Variants in IFI30 observed in about 807,000 individuals in gnomAD.
The protein encoded by IFI30 is gamma-interferon-inducible lysosomal thiol reductase.
IFI30 carries 26 observed loss-of-function variants against 30.1 expected under a neutral mutation model. That is an observed-to-expected ratio of 0.87 (90% CI 0.63 to 1.20). The LOEUF is 1.20. Ranked by LOEUF, IFI30 falls within the 50% of genes most tolerant of loss-of-function variation. The pLI is 0.00. For missense variants in IFI30, 296 were observed against 312.5 expected, an observed-to-expected ratio of 0.95 and a Z score of 0.40; for synonymous variants, 149 against 134.5, an observed-to-expected ratio of 1.11 and a Z score of -0.75.
In IFI30 at chr19:18,175,197, C is replaced by G. The variant is rs775826826; in HGVS notation, c.290C>G (p.Thr97Arg). The change falls in exon 2 of 7, where the codon ACG (threonine) becomes AGG (arginine). Residue 97 changes from threonine to arginine, a missense_variant. Thr to Arg is a moderately conservative substitution (Grantham distance 71). Transcript: ENST00000407280. ...WLLVMEILNV[T>R]LVPYGNAQEQ... The stretch of plus-strand genomic sequence containing the variant: ...TTGGTCATGGAGATCCTCAATGTCA[C>G]GCTGGTGCCCTACGGAAACGCACAG... 5.6e-6 allele frequency: 9 copies of G among 1,593,210 alleles called. No homozygotes were observed. The highest frequency in any genetic ancestry group is 7.7e-6 in the Non-Finnish European group (9 of 1,170,206).
rs1967232044 is a variant in IFI30, at chr19:18,173,920, T to G, written c.79T>G (p.Ser27Ala). 1.3e-6 allele frequency: 2 copies of G among 1,551,284 alleles called. No homozygotes were observed. The highest frequency in any genetic ancestry group is 2.7e-5 in the African/African-American group (2 of 73,058). The change falls in exon 1 of 7, where the codon TCC becomes GCC. Residue 27 changes from serine (S) to alanine (A), a missense_variant. Ser to Ala is a moderately conservative substitution (Grantham distance 99). Transcript: ENST00000407280. Reference sequence around the variant, plus strand: ...CGTCCCCACGGCGGCGGTGCAGGCGTCCCCTCTGCAAGCGTTAGACTTCTT... The same window carrying G: ...CGTCCCCACGGCGGCGGTGCAGGCGGCCCCTCTGCAAGCGTTAGACTTCTT... The part of the protein sequence containing the change: ...LDVPTAAVQA[S>A]PLQALDFFGN...
chr19:18,173,841 G>T lies in IFI30; in HGVS notation c.-1G>T, dbSNP rs2241089. The T allele has an allele frequency of 0.22, 343,048 of 1,545,458 alleles. 38,906 individuals are homozygous for T. Among genetic ancestry groups the T allele is most frequent in the African/African-American group, 0.29 (21,007 of 72,996 alleles). ...GTCGCCACACCTTTGCCCCTGCTGC[G>T]ATGACCCTGTCGCCACTTCTGCTGT... On this transcript the variant is annotated 5_prime_UTR_variant, in exon 1 of 7. Transcript: ENST00000407280.
intron 4 of IFI30, among the ~76,000 whole-genome samples, chr19:18,176,439 C>T (rs1017603882): frequency 6.6e-6 from 1 of 152,066 alleles, no homozygotes; most frequent in Non-Finnish European, 1.5e-5. Flanking sequence ...TAAGCCACCA[C>T]GCCCGGCCCC....
chr19:18,177,744 C>G lies in IFI30; in HGVS notation c.670C>G (p.Leu224Val). 1 of 1,613,846 alleles carries G rather than the reference C, an allele frequency of 6.2e-7. No homozygotes were observed. Among genetic ancestry groups the G allele is most frequent in the Non-Finnish European group, 8.5e-7 (1 of 1,179,836 alleles). ...PLEDQTQLLT[L>V]VCQLYQGKKP... Reference sequence around the variant, plus strand: ...GGAAGATCAGACCCAGCTCCTTACCCTTGTCTGCCAGTTGTACCAGGTAAG... The same window carrying G: ...GGAAGATCAGACCCAGCTCCTTACCGTTGTCTGCCAGTTGTACCAGGTAAG... Residue 224 changes from leucine (L) to valine (V), a missense_variant, in exon 6 of 7, where the codon CTT (leucine) becomes GTT (valine). Coordinates refer to ENST00000407280, the MANE Select transcript of IFI30 (RefSeq NM_006332.5).
intron 1 of IFI30, 50 bp downstream of exon 1, chr19:18,174,023 G>C: frequency 1.3e-6 from 2 of 1,495,576 alleles, no homozygotes; most frequent in South Asian, 2.5e-5. Flanking sequence ...GCGCCCTGTC[G>C]GGGCACGCGG....
intron 4 of IFI30, among the ~76,000 whole-genome samples, chr19:18,176,399 C>T (rs1262831427): frequency 6.6e-6 from 1 of 152,114 alleles, no homozygotes; most frequent in Non-Finnish European, 1.5e-5. Context: ...AGTTATCCGC[C>T]TGTCCCAGCC....
chr19:18,173,846 C>A lies in IFI30; in HGVS notation c.5C>A (p.Thr2Asn). Residue 2 changes from threonine (T) to asparagine (N), a missense_variant, in exon 1 of 7, where the codon ACC (threonine) becomes AAC (asparagine). Thr to Asn is a moderately conservative substitution (Grantham distance 65). Coordinates refer to ENST00000407280, the MANE Select transcript of IFI30 (RefSeq NM_006332.5). Reference protein sequence around the residue: MTLSPLLLFLPP... With the variant: MNLSPLLLFLPP... ...CACACCTTTGCCCCTGCTGCGATGA[C>A]CCTGTCGCCACTTCTGCTGTTCCTG... 6.5e-7 allele frequency: 1 copy of A among 1,547,116 alleles called. No homozygotes were observed. The highest frequency in any genetic ancestry group is 8.7e-7 in the Non-Finnish European group (1 of 1,146,464).
At chr19:18,175,833 T>C (rs1967263799) in intron 4 of IFI30, 136 bp downstream of exon 4, 3 of 589,692 alleles carry the variant, frequency 5.1e-6, no homozygotes, top group Non-Finnish European at 8.9e-6. Context: ...TACCCTTCTT[T>C]ATTTTATTTA....
chr19:18,177,088 T>G, intron 4 of IFI30, 52 bp from the exon 5 acceptor site: 3 of 1,489,104 alleles, frequency 2.0e-6, no homozygotes, highest in Non-Finnish European at 2.7e-6. Context: ...GGCGGGACCG[T>G]TGAGATAACG....
At chr19:18,174,665 A>G (rs1164442189) in intron 1 of IFI30, 1 of 186,858 alleles carries the variant, frequency 5.4e-6, no homozygotes, top group Non-Finnish European at 1.1e-5. Context: ...CGAGGTCAGG[A>G]GTTCGAGACC....
At chr19:18,175,461 G>A in intron 3 of IFI30, 76 bp downstream of exon 3, 4 of 1,447,804 alleles carry the variant, frequency 2.8e-6, no homozygotes, top group Non-Finnish European at 3.8e-6. Flanking sequence ...GAGGATGCCA[G>A]CTCTGTCTTC....
intron 1 of IFI30, 194 bp downstream of exon 1, chr19:18,174,167 G>C: frequency 1.8e-6 from 1 of 557,842 alleles, no homozygotes; most frequent in East Asian, 3.4e-5. Flanking sequence ...TTTCGCTTTC[G>C]CATCCCGCAT....
In IFI30 at chr19:18,175,170, T is replaced by A; in HGVS notation, c.263T>A (p.Leu88Gln). Residue 88 changes from leucine to glutamine, a missense_variant, in exon 2 of 7, where the codon CTG becomes CAG. Coordinates refer to ENST00000407280, the MANE Select transcript of IFI30 (RefSeq NM_006332.5). ...FLIRELFPTW[L>Q]LVMEILNVTL... Reference sequence around the variant, plus strand: ...ATCCGGGAGCTCTTCCCAACATGGCTGTTGGTCATGGAGATCCTCAATGTC... The same window carrying A: ...ATCCGGGAGCTCTTCCCAACATGGCAGTTGGTCATGGAGATCCTCAATGTC... 6.2e-7 allele frequency: 1 copy of A among 1,604,586 alleles called. No individual in the cohort carries two copies. Among genetic ancestry groups the A allele is most frequent in the Non-Finnish European group, 8.5e-7 (1 of 1,175,616 alleles).
intron 4 of IFI30, among the ~76,000 whole-genome samples, 157 bp from the exon 5 acceptor site, chr19:18,176,983 A>G (rs1388953699): frequency 1.3e-5 from 2 of 152,210 alleles, no homozygotes; most frequent in Non-Finnish European, 2.9e-5. Context: ...TCAAGCATGT[A>G]TTGAGCACCT....
At position 18,175,191 on chromosome 19, in the gene IFI30, A is replaced by G. The variant is rs776587636; in HGVS notation, c.284A>G (p.Asn95Ser). ...PTWLLVMEILNVTLVPYGNAQ... is the reference protein window; with the variant it reads ...PTWLLVMEILSVTLVPYGNAQ... ...TGGCTGTTGGTCATGGAGATCCTCA[A>G]TGTCACGCTGGTGCCCTACGGAAAC... Residue 95 changes from asparagine to serine, a missense_variant, in exon 2 of 7, where the codon AAT becomes AGT. Coordinates refer to ENST00000407280, the MANE Select transcript of IFI30 (RefSeq NM_006332.5). The G allele has an allele frequency of 3.8e-6, 6 of 1,596,716 alleles. No individual in the cohort carries two copies. Among genetic ancestry groups the G allele is most frequent in the South Asian group, 1.1e-5 (1 of 88,724 alleles).
chr19:18,177,680 G>C, intron 5 of IFI30, 31 bp from the exon 6 acceptor site: 1 of 1,612,176 alleles, frequency 6.2e-7, no homozygotes. Flanking sequence ...TAGCTGCTGG[G>C]AATATGCGAC....
At position 18,173,862 on chromosome 19, in the gene IFI30, G is replaced by A. The variant is rs1055793899; in HGVS notation, c.21G>A (p.Leu7=). The A allele has an allele frequency of 5.1e-5, 79 of 1,549,168 alleles. No homozygotes were observed. The highest frequency in any genetic ancestry group is 6.5e-5 in the Non-Finnish European group (74 of 1,146,890). ...CTGCGATGACCCTGTCGCCACTTCTGCTGTTCCTGCCACCGCTGCTGCTGC... is the reference window on the plus strand; with the variant it reads ...CTGCGATGACCCTGTCGCCACTTCTACTGTTCCTGCCACCGCTGCTGCTGC... MTLSPL[L]LFLPPLLLLL... The change falls in exon 1 of 7, where the codon CTG becomes CTA. Residue 7 remains leucine (L), a synonymous_variant. Transcript: ENST00000407280.
intron 5 of IFI30, 26 bp from the exon 6 acceptor site, chr19:18,177,685 T>A: frequency 1.2e-6 from 2 of 1,612,836 alleles, no homozygotes; most frequent in South Asian, 2.2e-5. Context: ...GCTGGGAATA[T>A]GCGACCCCTG....
chr19:18,174,299 C>T, intron 1 of IFI30: 2 of 257,816 alleles, frequency 7.8e-6, no homozygotes, highest in South Asian at 6.3e-5. Flanking sequence ...AGTTCAGCAG[C>T]TGGCCAAGGG....
Sources: gnomAD v4.1 joint callset for allele counts (sites outside exome capture counted in the v4.1 genomes callset) on GRCh38, gnomAD v4.1.1 for gene constraint, MANE v1.5 for transcripts, NCBI Gene and HGNC (gene_info 2026-07-23, HGNC 2026-07-21) for gene names.